ANK2: variants seen among roughly 807,000 people sequenced by gnomAD.
The protein encoded by ANK2 is ankyrin-2.
Under a neutral mutation model 360.5 loss-of-function variants are expected in ANK2, and 83 were observed. That is an observed-to-expected ratio of 0.23 (90% CI 0.19 to 0.28). ANK2 has a LOEUF of 0.28. ANK2 is among the 10% of genes least tolerant of loss of function. The pLI, the probability that ANK2 is intolerant of heterozygous loss-of-function variation, is 1.00. For missense variants in ANK2, 4,201 were observed against 4,795.7 expected, an observed-to-expected ratio of 0.88 and a Z score of 3.66; for synonymous variants, 1,740 against 1,759.5, an observed-to-expected ratio of 0.99 and a Z score of 0.28.
Position 113,176,619 on chromosome 4 carries a change from T to A in ANK2, c.186+2102T>A, listed in dbSNP as rs570341953. ...ATATGAAATATTTATTTATTTATTT[T>A]TATTTTATTTTATTTTATTTTTTAT... On this transcript the variant is annotated intron_variant, in intron 2 of 45. Coordinates refer to ENST00000357077, the MANE Select transcript of ANK2 (RefSeq NM_001148.6). Among the ~76,000 whole-genome samples the A allele has an allele frequency of 4.0e-3, 609 of 151,934 alleles. 5 individuals are homozygous for A. The highest frequency in any genetic ancestry group is 0.014 in the African/African-American group (585 of 41,486).
In ANK2 at chr4:112,856,734, CA is replaced by C. The variant is rs1389479709; in HGVS notation, c.-40+38476del. On this transcript the variant is annotated intron_variant, in intron 1 of 30. Transcript: ENST00000503271. ...CAGAGCGAGACTCCGTCTCAAAAAA[CA>C]AAAAAGTGTATTATTAAACTATTAC... Among the ~76,000 whole-genome samples the C allele has an allele frequency of 7.2e-5, 11 of 152,098 alleles. No individual in the cohort carries two copies. The East Asian group carries it at 1.2e-3, about 16-fold the overall frequency.
chr4:113,123,276 A>G (rs897936459), intron 1 of ANK2, among the ~76,000 whole-genome samples: 1 of 152,068 alleles, frequency 6.6e-6, no homozygotes, highest in African/African-American at 2.4e-5. Flanking sequence ...TTATTCACCA[A>G]TTGATTAAAA....
chr4:112,913,971 A>G (rs764319038), intron 2 of ANK2, among the ~76,000 whole-genome samples: 4 of 152,170 alleles, frequency 2.6e-5, no homozygotes, highest in Admixed American at 1.3e-4. Flanking sequence ...AGTAACATCT[A>G]TAATTCTTAC....
chr4:113,344,449 T>C (rs2094604945), intron 34 of ANK2, among the ~76,000 whole-genome samples: 1 of 152,146 alleles, frequency 6.6e-6, no homozygotes, highest in Non-Finnish European at 1.5e-5. Flanking sequence ...CTGGTGGAAA[T>C]GCAAAATAGT....
At chr4:112,922,379 G>T (rs74888948) in intron 2 of ANK2, among the ~76,000 whole-genome samples, 12 of 152,058 alleles carry the variant, frequency 7.9e-5, no homozygotes, top group Non-Finnish European at 1.8e-4. Context: ...CACATGGGCC[G>T]CATTTAACAA....
intron 9 of ANK2, among the ~76,000 whole-genome samples, chr4:113,244,210 T>C (rs1404046407): frequency 6.6e-6 from 1 of 151,412 alleles, no homozygotes; most frequent in Non-Finnish European, 1.5e-5. Context: ...GTATACATTG[T>C]ATAAACATTC....
intron 1 of ANK2, among the ~76,000 whole-genome samples, chr4:113,147,150 G>A (rs6854397): frequency 0.4 from 61,462 of 152,012 alleles, 12,489 homozygotes; most frequent in South Asian, 0.52. Context: ...CCAGCATGGA[G>A]GTCACCGTAG....
Position 113,258,359 on chromosome 4 carries a change from A to G in ANK2, c.1334A>G (p.Asn445Ser), listed in dbSNP as rs1343952200. ...GTGGCTGCCTTCATGGGCCACTTGA[A>G]CATTGTCCTCCTTCTGCTGCAGAAC... ...IHVAAFMGHL[N>S]IVLLLLQNGA... Residue 445 changes from asparagine to serine, a missense_variant, in exon 13 of 46, where the codon AAC becomes AGC. By Grantham distance (46) the Asn-to-Ser change is conservative. Coordinates refer to ENST00000357077, the MANE Select transcript of ANK2 (RefSeq NM_001148.6). The G allele has an allele frequency of 6.2e-7, 1 of 1,614,100 alleles. No individual in the cohort carries two copies. The highest frequency in any genetic ancestry group is 8.5e-7 in the Non-Finnish European group (1 of 1,180,036).
At chr4:113,250,125 A>G (rs1257590916) in intron 10 of ANK2, among the ~76,000 whole-genome samples, 1 of 152,218 alleles carries the variant, frequency 6.6e-6, no homozygotes, top group African/African-American at 2.4e-5. Context: ...ATCTGAATAC[A>G]TCTGTATTTT....
chr4:112,826,295 G>T, intron 1 of ANK2: 1 of 634,086 alleles, frequency 1.6e-6, no homozygotes. Context: ...CTATAGAGTT[G>T]TGTAGTCTGT....
At chr4:113,120,740 C>G (rs966412656) in intron 1 of ANK2, among the ~76,000 whole-genome samples, 26 of 152,206 alleles carry the variant, frequency 1.7e-4, no homozygotes, top group African/African-American at 5.1e-4. Context: ...GGTGATTTTT[C>G]CTGATCCTGT....
chr4:113,343,553 G>T (rs2094509465), intron 34 of ANK2, among the ~76,000 whole-genome samples: 2 of 152,158 alleles, frequency 1.3e-5, no homozygotes, highest in Admixed American at 1.3e-4. Flanking sequence ...AAAAGACCCA[G>T]CATCTCACTT....
In ANK2 at chr4:112,960,191, G is replaced by T. The variant is rs971965639; in HGVS notation, c.21+55677G>T. Among the ~76,000 whole-genome samples the T allele has an allele frequency of 2.6e-5, 4 of 152,298 alleles. No homozygotes were observed. In the East Asian group the frequency reaches 7.7e-4, roughly 29 times the overall value. On this transcript the variant is annotated intron_variant, in intron 2 of 30. Transcript: ENST00000503271. ...ATAACGTAAAGCCCATCTGTGTCAGGAATATCGGGAGGTGCCATTAGGCTG... is the reference window on the plus strand; with the variant it reads ...ATAACGTAAAGCCCATCTGTGTCAGTAATATCGGGAGGTGCCATTAGGCTG...
intron 17 of ANK2, among the ~76,000 whole-genome samples, chr4:113,280,820 A>T (rs779401656): frequency 6.6e-6 from 1 of 152,184 alleles, no homozygotes; most frequent in South Asian, 2.1e-4. Context: ...TTGTTTTGCT[A>T]AAATATCCCT....
At chr4:112,972,601 C>G (rs535928046) in intron 2 of ANK2, among the ~76,000 whole-genome samples, 1 of 152,026 alleles carries the variant, frequency 6.6e-6, no homozygotes, top group Non-Finnish European at 1.5e-5. Context: ...GTACACGGGA[C>G]GTTACATATA....
the ANK2 span, among the ~76,000 whole-genome samples, chr4:112,730,718 A>G: frequency 2.9e-4 from 44 of 151,494 alleles, no homozygotes; most frequent in African/African-American, 1.0e-3. Context: ...ACACACACAC[A>G]ACAGGATAAA....
intron 1 of ANK2, among the ~76,000 whole-genome samples, chr4:113,052,465 G>A (rs987087334): frequency 1.3e-5 from 2 of 152,036 alleles, no homozygotes; most frequent in African/African-American, 2.4e-5. Context: ...CGTAACAGAT[G>A]GGCTGTAATT....
chr4:113,234,863 A>G (rs1383933264), intron 5 of ANK2, among the ~76,000 whole-genome samples: 1 of 152,228 alleles, frequency 6.6e-6, no homozygotes, highest in Non-Finnish European at 1.5e-5. Context: ...TGAAGCTACC[A>G]AACTTTAATA....
intron 18 of ANK2, among the ~76,000 whole-genome samples, chr4:113,286,402 C>G (rs958038739): frequency 4.6e-5 from 7 of 152,304 alleles, no homozygotes; most frequent in African/African-American, 1.7e-4. Flanking sequence ...TCCAGGCCCA[C>G]AAGGAAAAAG....
Sources: allele counts gnomAD v4.1 joint callset (sites outside exome capture counted in the v4.1 genomes callset), GRCh38; gene constraint gnomAD v4.1.1; transcripts MANE v1.5; gene names NCBI Gene and HGNC (gene_info 2026-07-23, HGNC 2026-07-21).